The following EIPR1 variants were observed in gnomAD, a reference collection of about 807,000 sequenced individuals.
The protein encoded by EIPR1 is EARP and GARP complex-interacting protein 1.
In EIPR1, 25 loss-of-function variants were observed where a neutral mutation model predicts 48.1. The observed-to-expected ratio is 0.52, with a 90% CI of 0.38 to 0.73. EIPR1 has a LOEUF of 0.73. Ranked by LOEUF, EIPR1 falls within the 30% of genes least tolerant of loss-of-function variation. EIPR1 has a pLI of 0.00. For synonymous variants in EIPR1, 204 were observed against 201.9 expected (o/e 1.01, Z -0.09); for missense variants, 415 against 506.2 (o/e 0.82, Z 1.73).
At chr2:3,326,666 C>A (rs1438114456) in intron 3 of EIPR1, among the ~76,000 whole-genome samples, 1 of 152,192 alleles carries the variant, frequency 6.6e-6, no homozygotes, top group Non-Finnish European at 1.5e-5. Context: ...GCGTCACACA[C>A]ATTTCACTTC....
chr2:3,195,979 A>G (rs1317417829), intron 6 of EIPR1, among the ~76,000 whole-genome samples: 1 of 152,196 alleles, frequency 6.6e-6, no homozygotes, highest in Non-Finnish European at 1.5e-5. Flanking sequence ...AATTCTTCAC[A>G]TCCTTCAAAA....
chr2:3,228,078 C>T (rs942019473), intron 4 of EIPR1, among the ~76,000 whole-genome samples: 24 of 152,240 alleles, frequency 1.6e-4, no homozygotes, highest in African/African-American at 5.8e-4. Flanking sequence ...AGAAGAGGGC[C>T]ACCATCCTCC....
intron 3 of EIPR1, among the ~76,000 whole-genome samples, chr2:3,313,582 A>G (rs1053690107): frequency 2.6e-5 from 4 of 152,168 alleles, no homozygotes; most frequent in African/African-American, 9.7e-5. Context: ...CAAATTGCTG[A>G]AGGCCTCAGG....
intron 5 of EIPR1, among the ~76,000 whole-genome samples, chr2:3,199,061 G>GCCCC (rs1334678710): frequency 2.8e-3 from 63 of 22,378 alleles, no homozygotes; most frequent in Non-Finnish European, 3.8e-3. Context: ...ATTTTAGAGG[G>GCCCC]CCCCCCCCCC....
chr2:3,257,044 G>T (rs1572363199), intron 4 of EIPR1, among the ~76,000 whole-genome samples: 1 of 152,344 alleles, frequency 6.6e-6, no homozygotes, highest in East Asian at 1.9e-4. Context: ...CCCTCTGGCA[G>T]GTCCCCACGG....
Position 3,357,707 on chromosome 2 carries a change from G to C in EIPR1, c.43-3074C>G, listed in dbSNP as rs145977203. Among the ~76,000 whole-genome samples the C allele has an allele frequency of 1.4e-3, 206 of 152,284 alleles. 1 individual carries two copies. Among genetic ancestry groups the C allele is most frequent in the African/African-American group, 4.8e-3 (198 of 41,552 alleles). ...TTGTCCTGACCACAAGGCATCCCTG[G>C]AGTCTCTCTGAATCTGCTGTGATTC... On this transcript the variant is annotated intron_variant, in intron 1 of 8. Coordinates refer to ENST00000382125, the MANE Select transcript of EIPR1 (RefSeq NM_003310.5).
chr2:3,259,521 C>G (rs1190407902), intron 3 of EIPR1, among the ~76,000 whole-genome samples: 1 of 152,162 alleles, frequency 6.6e-6, no homozygotes, highest in African/African-American at 2.4e-5. Flanking sequence ...GAAGTTTCCA[C>G]GTATCCGGTT....
intron 5 of EIPR1, 82 bp from the exon 6 acceptor site, chr2:3,197,099 GTA>G: frequency 7.0e-7 from 1 of 1,438,282 alleles, no homozygotes; most frequent in Admixed American, 1.9e-5. Flanking sequence ...AGAGGATATC[GTA>G]TACTCAAGGA....
chr2:3,232,109 G>A (rs1035949383), intron 4 of EIPR1, among the ~76,000 whole-genome samples: 3 of 152,026 alleles, frequency 2.0e-5, no homozygotes, highest in East Asian at 1.9e-4. Flanking sequence ...ATTTGTTTAC[G>A]CATAATTGTT....
intron 5 of EIPR1, among the ~76,000 whole-genome samples, chr2:3,200,894 G>A (rs1045892723): frequency 4.6e-5 from 7 of 152,264 alleles, no homozygotes; most frequent in Non-Finnish European, 8.8e-5. Context: ...GACCGAACCA[G>A]AAAGGCTGGG....
intron 5 of EIPR1, among the ~76,000 whole-genome samples, chr2:3,199,351 C>T (rs1221949924): frequency 6.6e-6 from 1 of 152,164 alleles, no homozygotes; most frequent in Non-Finnish European, 1.5e-5. Flanking sequence ...AGGCAACATA[C>T]ATCCTCAGCT....
intron 4 of EIPR1, among the ~76,000 whole-genome samples, chr2:3,235,413 T>C (rs6548136): frequency 0.91 from 139,063 of 152,122 alleles, 64,059 homozygotes; most frequent in East Asian, 0.98. Flanking sequence ...CATGTGTGCA[T>C]GCGGGTGCGC....
At chr2:3,279,781 C>T (rs1667963725) in intron 3 of EIPR1, among the ~76,000 whole-genome samples, 1 of 152,236 alleles carries the variant, frequency 6.6e-6, no homozygotes, top group South Asian at 2.1e-4. Context: ...GGTGAACCAA[C>T]ACCATGATGC....
intron 1 of EIPR1, among the ~76,000 whole-genome samples, chr2:3,376,295 G>A (rs1659880394): frequency 2.6e-5 from 4 of 152,142 alleles, no homozygotes; most frequent in Admixed American, 2.6e-4. Context: ...GAGGCCCAAG[G>A]TCACATAGTT....
At chr2:3,228,210 G>A (rs1429945945) in intron 4 of EIPR1, among the ~76,000 whole-genome samples, 1 of 152,256 alleles carries the variant, frequency 6.6e-6, no homozygotes, top group Non-Finnish European at 1.5e-5. Flanking sequence ...CAGTGGCAGA[G>A]CTGCCCAAGG....
intron 2 of EIPR1, chr2:3,353,414 C>T (rs928903416): frequency 3.1e-5 from 13 of 423,672 alleles, no homozygotes; most frequent in East Asian, 1.4e-4. Context: ...AATCATCTAA[C>T]GATTCTTAAG....
At chr2:3,283,629 CTAGT>C (rs1369307696) in intron 3 of EIPR1, among the ~76,000 whole-genome samples, 1 of 152,184 alleles carries the variant, frequency 6.6e-6, no homozygotes, top group African/African-American at 2.4e-5. Context: ...GCGAGCACCA[CTAGT>C]TAAAGAGGGG....
At chr2:3,225,658 T>G (rs1666040889) in intron 4 of EIPR1, among the ~76,000 whole-genome samples, 1 of 152,194 alleles carries the variant, frequency 6.6e-6, no homozygotes, top group African/African-American at 2.4e-5. Flanking sequence ...TGCACACACT[T>G]AAGATGCACT....
chr2:3,338,185 AAC>A, intron 2 of EIPR1, 36 bp from the exon 3 acceptor site: 1 of 1,602,934 alleles, frequency 6.2e-7, no homozygotes, highest in Non-Finnish European at 8.5e-7. Flanking sequence ...CAGGATCTCA[AAC>A]ACTTTCCTCA....
Sources: gnomAD v4.1 joint callset for allele counts (sites outside exome capture counted in the v4.1 genomes callset) on GRCh38, gnomAD v4.1.1 for gene constraint, MANE v1.5 for transcripts, NCBI Gene and HGNC (gene_info 2026-07-23, HGNC 2026-07-21) for gene names.